The following ODC1 variants were observed in gnomAD, a reference collection of about 807,000 sequenced individuals.
ODC1 encodes ornithine decarboxylase.
In ODC1, 18 loss-of-function variants were observed where a neutral mutation model predicts 41.5. The observed-to-expected ratio is 0.43, with a 90% CI of 0.30 to 0.64. The LOEUF is 0.64. Among genes scored for constraint, ODC1 ranks in the 30% least tolerant of loss-of-function variants. The probability of loss-of-function intolerance (pLI) is 0.11; values close to 1 mark genes in which losing one functional copy is unlikely to be tolerated. For synonymous variants in ODC1, 218 were observed against 211.6 expected, an observed-to-expected ratio of 1.03 and a Z score of -0.26; for missense variants, 504 against 589.0, an observed-to-expected ratio of 0.86 and a Z score of 1.49.
At chr2:10,446,135 T>TA (rs1234593098) in intron 1 of ODC1, among the ~76,000 whole-genome samples, 1 of 135,636 alleles carries the variant, frequency 7.4e-6, no homozygotes, top group Admixed American at 6.9e-5. Flanking sequence ...ATTCAGTATT[T>TA]TTTTTTTTTT....
At chr2:10,447,246 G>A (rs895451715) in intron 1 of ODC1, among the ~76,000 whole-genome samples, 13 of 152,078 alleles carry the variant, frequency 8.5e-5, no homozygotes, top group Admixed American at 2.6e-4. Flanking sequence ...TATTTAAAAT[G>A]GTCAATCAAT....
rs1338454184 is a variant in ODC1, at chr2:10,443,811, C to A, written c.475G>T (p.Asp159Tyr). The stretch of plus-strand genomic sequence containing the variant: ...CTGAGACGACAGACTGCTTTGGAAT[C>A]ATCAGTGGCAATCCGCAAAACCAAC... ...AKLVLRIATD[D>Y]SKAVCRLSVK... is the part of the protein sequence containing the mutation. The change falls in exon 6 of 12, where the codon GAT becomes TAT. Residue 159 changes from aspartate (D) to tyrosine (Y), a missense_variant. Asp to Tyr is a radical substitution (Grantham distance 160). This residue lies in a region of ODC1 where 447 missense variants were observed against 524.4 expected (regional missense o/e 0.85). Coordinates refer to ENST00000234111, the MANE Select transcript of ODC1 (RefSeq NM_002539.3). 3.7e-6 allele frequency: 6 copies of A among 1,614,112 alleles called. No individual in the cohort carries two copies. Among genetic ancestry groups the A allele is most frequent in the Non-Finnish European group, 2.5e-6 (3 of 1,179,962 alleles).
intron 11 of ODC1, 77 bp downstream of exon 11, chr2:10,441,432 A>G: frequency 1.4e-6 from 2 of 1,418,122 alleles, no homozygotes; most frequent in Non-Finnish European, 9.6e-7. Flanking sequence ...ACAATTTCTT[A>G]TTCGTCTAGA....
intron 1 of ODC1, chr2:10,447,633 CG>C (rs559433926): frequency 1.3e-5 from 2 of 152,284 alleles, no homozygotes; most frequent in South Asian, 4.1e-4. Context: ...CCCACTCTCG[CG>C]GGTTTCCAAA....
At position 10,448,244 on chromosome 2, in the gene ODC1, C is replaced by T. The variant is rs893296644; in HGVS notation, c.-251G>A. ...CCGTCAGCGCCTGGCTCCCGCCCGC[C>T]GGAGACGCCGGCCCGAGGTGGCGCC... On this transcript the variant is annotated 5_prime_UTR_variant, in exon 1 of 12. Coordinates refer to ENST00000234111, the MANE Select transcript of ODC1 (RefSeq NM_002539.3). 4.6e-6 allele frequency: 1 copy of T among 215,628 alleles called. No homozygotes were observed. The highest frequency in any genetic ancestry group is 9.1e-6 in the Non-Finnish European group (1 of 110,104). 13.4% of individuals were successfully genotyped at this position (215,628 alleles called of 1,614,324 possible).
chr2:10,444,723 C>G, intron 3 of ODC1, 76 bp from the exon 4 acceptor site: 3 of 1,310,142 alleles, frequency 2.3e-6, no homozygotes, highest in Non-Finnish European at 3.2e-6. Context: ...GACCTTCATT[C>G]CCATCAGTCA....
Position 10,440,667 on chromosome 2 carries a change from C to T in ODC1, c.*57G>A. The T allele has an allele frequency of 6.5e-7, 1 of 1,543,378 alleles. No individual in the cohort carries two copies. The highest frequency in any genetic ancestry group is 8.8e-7 in the Non-Finnish European group (1 of 1,131,106). On this transcript the variant is annotated 3_prime_UTR_variant, in exon 12 of 12. Transcript: ENST00000234111. ...ACTAGCAGTAATTAAGTTACATGGT[C>T]CCCCCAAATCCCTTAATTCAAGCTA... is the stretch of plus-strand genomic sequence containing the variant.
In ODC1 at chr2:10,444,286, G is replaced by T; in HGVS notation, c.277-19C>A. 6.4e-7 allele frequency: 1 copy of T among 1,563,338 alleles called. No homozygotes were observed. Among genetic ancestry groups the T allele is most frequent in the South Asian group, 1.2e-5 (1 of 81,720 alleles). On this transcript the variant is annotated intron_variant, in intron 4 of 11. Transcript: ENST00000234111. Reference sequence around the variant, plus strand: ...TTTCAGTCTGAAAAAGAAGAGTGGTGTCATGCTATCCATATGTGGCTTAAC... The same window carrying T: ...TTTCAGTCTGAAAAAGAAGAGTGGTTTCATGCTATCCATATGTGGCTTAAC...
chr2:10,444,712 C>A, intron 3 of ODC1, 65 bp from the exon 4 acceptor site: 2 of 1,413,432 alleles, frequency 1.4e-6, no homozygotes, highest in Non-Finnish European at 2.0e-6. Flanking sequence ...CAATAGCCAG[C>A]GACCTTCATT....
At chr2:10,441,400 T>C (rs563563537) in intron 11 of ODC1, 109 bp downstream of exon 11, 11 of 1,111,870 alleles carry the variant, frequency 9.9e-6, no homozygotes, top group South Asian at 9.4e-5. Context: ...AAAATATCCA[T>C]ATATATTTAA....
At chr2:10,444,064 G>C (rs573872915) in intron 5 of ODC1, 31 bp downstream of exon 5, 7 of 1,552,556 alleles carry the variant, frequency 4.5e-6, no homozygotes, top group Non-Finnish European at 6.1e-6. Context: ...TTATGCTCCC[G>C]ATCTTGCCCT....
chr2:10,447,751 C>A (rs1417158405), intron 1 of ODC1: 1 of 152,160 alleles, frequency 6.6e-6, no homozygotes, highest in Non-Finnish European at 1.5e-5. Flanking sequence ...CCGGGCTCTG[C>A]GCCCCTGCAC....
chr2:10,444,397 C>T lies in ODC1; in HGVS notation c.276+77G>A, dbSNP rs922619915. 7 of 1,518,252 alleles carry T rather than the reference C, an allele frequency of 4.6e-6. No individual in the cohort carries two copies. The African/African-American group carries it at 5.6e-5, about 12-fold the overall frequency. The allele number at this position is 1,518,252 out of a possible 1,614,324, so 94.0% of individuals were successfully genotyped here. Reference sequence around the variant, plus strand: ...TAGTGAGCATTTATTGCCCAAAAAACACAACTTGTATCTGCCTCGTGGGGA... The same window carrying T: ...TAGTGAGCATTTATTGCCCAAAAAATACAACTTGTATCTGCCTCGTGGGGA... On this transcript the variant is annotated intron_variant, in intron 4 of 11. Transcript: ENST00000234111.
Position 10,440,304 on chromosome 2 carries a change from T to C in ODC1, c.*420A>G, listed in dbSNP as rs761910132. 4 of 158,616 alleles carry C rather than the reference T, an allele frequency of 2.5e-5. No individual in the cohort carries two copies. The highest frequency in any genetic ancestry group is 7.2e-5 in the African/African-American group (3 of 41,490). The allele number at this position is 158,616 out of a possible 1,614,324, so 9.8% of individuals were successfully genotyped here. ...ACCTGTGTGTGGGTGGACCCACTCATTGTTCTCTGAGAATCAGAGCGAGCT... is the reference window on the plus strand; with the variant it reads ...ACCTGTGTGTGGGTGGACCCACTCACTGTTCTCTGAGAATCAGAGCGAGCT... On this transcript the variant is annotated 3_prime_UTR_variant, in exon 12 of 12. Coordinates refer to ENST00000234111, the MANE Select transcript of ODC1 (RefSeq NM_002539.3).
Position 10,440,644 on chromosome 2 carries a change from T to C in ODC1, c.*80A>G. 6.9e-7 allele frequency: 1 copy of C among 1,445,574 alleles called. No homozygotes were observed. 89.5% of individuals were successfully genotyped at this position (1,445,574 alleles called of 1,614,324 possible). Reference sequence around the variant, plus strand: ...TACTCTTACAAAGACATTTCAAAACTAGCAGTAATTAAGTTACATGGTCCC... The same window carrying C: ...TACTCTTACAAAGACATTTCAAAACCAGCAGTAATTAAGTTACATGGTCCC... On this transcript the variant is annotated 3_prime_UTR_variant, in exon 12 of 12. Coordinates refer to ENST00000234111, the MANE Select transcript of ODC1 (RefSeq NM_002539.3).
Position 10,440,642 on chromosome 2 carries a change from A to T in ODC1, c.*82T>A, listed in dbSNP as rs1194421807. 3.5e-6 allele frequency: 5 copies of T among 1,441,196 alleles called. No homozygotes were observed. Among genetic ancestry groups the T allele is most frequent in the Admixed American group, 3.8e-5 (2 of 52,090 alleles). 89.3% of individuals were successfully genotyped at this position (1,441,196 alleles called of 1,614,324 possible). A position where few individuals can be genotyped will look rare whatever the true frequency, so the allele number is the denominator to read the frequency against. The stretch of plus-strand genomic sequence containing the variant: ...CCTACTCTTACAAAGACATTTCAAA[A>T]CTAGCAGTAATTAAGTTACATGGTC... On this transcript the variant is annotated 3_prime_UTR_variant, in exon 12 of 12. Coordinates refer to ENST00000234111, the MANE Select transcript of ODC1 (RefSeq NM_002539.3).
At position 10,445,041 on chromosome 2, in the gene ODC1, G is replaced by C. The variant is rs1331092787; in HGVS notation, c.-9C>G. 6.3e-7 allele frequency: 1 copy of C among 1,577,810 alleles called. No homozygotes were observed. The highest frequency in any genetic ancestry group is 1.1e-5 in the South Asian group (1 of 90,254). On this transcript the variant is annotated 5_prime_UTR_variant, in exon 3 of 12. The change creates a new upstream start codon in the 5' untranslated region. Coordinates refer to ENST00000234111, the MANE Select transcript of ODC1 (RefSeq NM_002539.3). ...TTACCAAAGTTGTTCATGATTTCTTGATGTTCCTCTGAAATGCAACAAAAT... is the reference window on the plus strand; with the variant it reads ...TTACCAAAGTTGTTCATGATTTCTTCATGTTCCTCTGAAATGCAACAAAAT...
At chr2:10,443,146 A>T in intron 8 of ODC1, 84 bp downstream of exon 8, 1 of 1,023,526 alleles carries the variant, frequency 9.8e-7, no homozygotes, top group Non-Finnish European at 1.5e-6. Flanking sequence ...TTGTGGTATT[A>T]GTTAAGACAC....
Position 10,440,580 on chromosome 2 carries a change from C to T in ODC1, c.*144G>A. ...CATAGGAACACAGATAAGTGTGACC[C>T]ATATCCTAGTCTTCCATATGGCTGC... is the stretch of plus-strand genomic sequence containing the variant. On this transcript the variant is annotated 3_prime_UTR_variant, in exon 12 of 12. Coordinates refer to ENST00000234111, the MANE Select transcript of ODC1 (RefSeq NM_002539.3). 1.4e-6 allele frequency: 1 copy of T among 703,260 alleles called. No individual in the cohort carries two copies. Among genetic ancestry groups the T allele is most frequent in the East Asian group, 2.7e-5 (1 of 36,616 alleles). 43.6% of individuals were successfully genotyped at this position (703,260 alleles called of 1,614,324 possible).
Sources: allele counts gnomAD v4.1 joint callset (sites outside exome capture counted in the v4.1 genomes callset), GRCh38; gene constraint gnomAD v4.1.1; regional missense constraint gnomAD v4.1.1; transcripts MANE v1.5; gene names NCBI Gene and HGNC (gene_info 2026-07-23, HGNC 2026-07-21).